ENTR1: variants seen among roughly 807,000 people sequenced by gnomAD.
ENTR1 encodes endosome-associated-trafficking regulator 1.
A neutral mutation model predicts 47.9 loss-of-function variants in ENTR1; 47 were observed. The ratio of observed to expected loss-of-function variants is 0.98; its 90% CI spans 0.78 to 1.25. ENTR1 has a LOEUF of 1.25. ENTR1 is among the 50% of genes most tolerant of loss of function. ENTR1 has a pLI of 0.00. For synonymous variants in ENTR1, 290 were observed against 245.8 expected, an observed-to-expected ratio of 1.18 and a Z score of -1.68; for missense variants, 668 against 570.5, an observed-to-expected ratio of 1.17 and a Z score of -1.74.
rs771082264 is a variant in ENTR1 at position 136,407,575 on chromosome 9, A to G, written c.403-14T>C. 1 of 1,541,816 alleles carries G rather than the reference A, an allele frequency of 6.5e-7. No homozygotes were observed. The highest frequency in any genetic ancestry group is 8.7e-7 in the Non-Finnish European group (1 of 1,147,942). ...CCTCGAGGCTTCCTAAAAAAAAAAA[A>G]AAAAAAAAAACAATGGAGGCCATGC... On this transcript the variant is annotated splice_polypyrimidine_tract_variant and intron_variant, in intron 4 of 9. Coordinates refer to ENST00000357365, the MANE Select transcript of ENTR1 (RefSeq NM_001039707.2).
Position 136,410,544 on chromosome 9 carries a change from T to C in ENTR1, c.-147A>G, listed in dbSNP as rs1297114400. The C allele has an allele frequency of 5.4e-6, 6 of 1,106,106 alleles. No individual in the cohort carries two copies. Among genetic ancestry groups the C allele is most frequent in the East Asian group, 6.7e-5 (2 of 29,642 alleles). 68.5% of individuals were successfully genotyped at this position (1,106,106 alleles called of 1,614,324 possible). A position where few individuals can be genotyped will look rare whatever the true frequency, so the allele number is the denominator to read the frequency against. On this transcript the variant is annotated 5_prime_UTR_variant, in exon 1 of 10. Coordinates refer to ENST00000357365, the MANE Select transcript of ENTR1 (RefSeq NM_001039707.2). Reference sequence around the variant, plus strand: ...TCGGCCGCCCCCGCGCCTCCGAGCCTCTCGCCGCTGCTTCCGCTCCGAGCA... The same window carrying C: ...TCGGCCGCCCCCGCGCCTCCGAGCCCCTCGCCGCTGCTTCCGCTCCGAGCA...
At chr9:136,403,761 T>C (rs80029103) in intron 9 of ENTR1, among the ~76,000 whole-genome samples, 5,930 of 152,130 alleles carry the variant, frequency 0.039, 145 homozygotes, top group East Asian at 0.12. Flanking sequence ...CTATTTCCTT[T>C]ATTCAGAGCT....
At position 136,410,408 on chromosome 9, in the gene ENTR1, C is replaced by T. The variant is rs1261772774; in HGVS notation, c.-11G>A. On this transcript the variant is annotated 5_prime_UTR_variant, in exon 1 of 10. Coordinates refer to ENST00000357365, the MANE Select transcript of ENTR1 (RefSeq NM_001039707.2). ...CTGGTAGCCCGACATCGCCGCCGGC[C>T]CGGCGGGGCACGACCTGCCTAGCCC... The T allele has an allele frequency of 8.1e-6, 11 of 1,358,910 alleles. No homozygotes were observed. In the Admixed American group the frequency reaches 4.0e-4, roughly 49 times the overall value. 84.2% of individuals were successfully genotyped at this position (1,358,910 alleles called of 1,614,324 possible). A position where few individuals can be genotyped will look rare whatever the true frequency, so the allele number is the denominator to read the frequency against.
intron 4 of ENTR1, 51 bp from the exon 5 acceptor site, chr9:136,407,612 A>AGC (rs747658824): frequency 1.3e-6 from 2 of 1,500,078 alleles, no homozygotes; most frequent in East Asian, 4.6e-5. Flanking sequence ...TCTGACTCGG[A>AGC]GCGCATCTTC....
At chr9:136,407,635 T>C (rs956183346) in intron 4 of ENTR1, 74 bp from the exon 5 acceptor site, 249 of 1,487,474 alleles carry the variant, frequency 1.7e-4, no homozygotes, top group Admixed American at 1.2e-3. Context: ...TTCTGTGTTC[T>C]GCCTCGCAAC....
rs755614825 is a variant in ENTR1 at position 136,407,502 on chromosome 9, C to T, written c.462G>A (p.Gly154=). Residue 154 remains glycine, a synonymous_variant, in exon 5 of 10, where the codon GGG becomes GGA. Coordinates refer to ENST00000357365, the MANE Select transcript of ENTR1 (RefSeq NM_001039707.2). ...ATGGCTGCTGATACTCCAGGCCATA[C>T]CCGCCGGTTTGGGAGGGTGGGGAGT... ...DHNSPPSQTG[G]YGLEYQQPFF... 1 of 1,609,994 alleles carries T rather than the reference C, an allele frequency of 6.2e-7. No homozygotes were observed. The highest frequency in any genetic ancestry group is 1.4e-5 in the African/African-American group (1 of 74,060).
chr9:136,409,999 G>A, intron 2 of ENTR1, 91 bp downstream of exon 2: 2 of 1,454,884 alleles, frequency 1.4e-6, no homozygotes, highest in Non-Finnish European at 1.9e-6. Flanking sequence ...GCACATTGAT[G>A]GGTCAATGGA....
chr9:136,405,429 T>C (rs937012369), intron 6 of ENTR1: 1 of 520,392 alleles, frequency 1.9e-6, no homozygotes, highest in African/African-American at 1.9e-5. Flanking sequence ...TTTGGTGGCT[T>C]TTTGCCTAAA....
At chr9:136,408,021 GCATGGCCA>G (rs1834866888) in intron 3 of ENTR1, 83 bp from the exon 4 acceptor site, 2 of 880,452 alleles carry the variant, frequency 2.3e-6, no homozygotes, top group African/African-American at 3.3e-5. Context: ...TCTTTCCAGA[GCATGGCCA>G]CATGTGAGAT....
chr9:136,410,225 C>G lies in ENTR1; in HGVS notation c.85G>C (p.Glu29Gln), dbSNP rs1479289284. The change falls in exon 2 of 10, where the codon GAG becomes CAG. Residue 29 changes from glutamate to glutamine, a missense_variant. Coordinates refer to ENST00000357365, the MANE Select transcript of ENTR1 (RefSeq NM_001039707.2). ...LAIPDAPAFYERRSCLPQLNC... is the reference protein window; with the variant it reads ...LAIPDAPAFYQRRSCLPQLNC... ...AGCTGGGGGAGACAAGACCGGCGCT[C>G]ATAGAACGCTGGAGCTGGAAGCAAC... is the stretch of plus-strand genomic sequence containing the variant. The G allele has an allele frequency of 6.3e-7, 1 of 1,584,096 alleles. No individual in the cohort carries two copies. Among genetic ancestry groups the G allele is most frequent in the East Asian group, 2.3e-5 (1 of 43,454 alleles).
chr9:136,402,673 A>G lies in ENTR1; in HGVS notation c.*115T>C. 1.4e-6 allele frequency: 1 copy of G among 712,064 alleles called. No homozygotes were observed. The highest frequency in any genetic ancestry group is 2.4e-6 in the Non-Finnish European group (1 of 417,438). 44.1% of individuals were successfully genotyped at this position (712,064 alleles called of 1,614,324 possible). On this transcript the variant is annotated 3_prime_UTR_variant, in exon 10 of 10. Transcript: ENST00000357365. Reference sequence around the variant, plus strand: ...GGCACGACACTGGACTCTTGCGATCAACACTTTACTCTGGGTGAAGACTGC... The same window carrying G: ...GGCACGACACTGGACTCTTGCGATCGACACTTTACTCTGGGTGAAGACTGC...
rs766235743 is a variant in ENTR1, at chr9:136,402,875, G to A, written c.1221C>T (p.Ser407=). Residue 407 remains serine, a synonymous_variant, in exon 10 of 10, where the codon TCC becomes TCT. Coordinates refer to ENST00000357365, the MANE Select transcript of ENTR1 (RefSeq NM_001039707.2). Reference sequence around the variant, plus strand: ...CAACAAGATTCAGTGTCTCAGCTCCGGAAACCAGTTGCCTGAAAACAAGCA... The same window carrying A: ...CAACAAGATTCAGTGTCTCAGCTCCAGAAACCAGTTGCCTGAAAACAAGCA... ...SAQASIKQLV[S]GAETLNLVAE... is the part of the protein sequence containing the mutation. 41 of 1,611,786 alleles carry A rather than the reference G, an allele frequency of 2.5e-5. No homozygotes were observed. Among genetic ancestry groups the A allele is most frequent in the Admixed American group, 2.2e-4 (13 of 59,818 alleles).
At chr9:136,404,958 A>G in intron 7 of ENTR1, 133 bp downstream of exon 7, 2 of 755,092 alleles carry the variant, frequency 2.6e-6, no homozygotes, top group Non-Finnish European at 4.4e-6. Flanking sequence ...GCGACGTCAA[A>G]GAACACCAGT....
At position 136,405,953 on chromosome 9, in the gene ENTR1, C is replaced by T. The variant is rs781420827; in HGVS notation, c.845G>A (p.Arg282Lys). The change falls in exon 6 of 10, where the codon AGA (arginine) becomes AAA (lysine). Residue 282 changes from arginine to lysine, a missense_variant. Physicochemically the swap from Arg to Lys is conservative, Grantham distance 26. Transcript: ENST00000357365. ...DALKDENSKL[R>K]RKLNEVQSFS... Reference sequence around the variant, plus strand: ...GCTCTGAACCTCATTCAGCTTTCTTCTCAGCTTAGAATTTTCATCTTTCAG... The same window carrying T: ...GCTCTGAACCTCATTCAGCTTTCTTTTCAGCTTAGAATTTTCATCTTTCAG... The T allele has an allele frequency of 6.2e-7, 1 of 1,609,590 alleles. No individual in the cohort carries two copies. The highest frequency in any genetic ancestry group is 1.1e-5 in the South Asian group (1 of 89,898).
In ENTR1 at chr9:136,405,984, G is replaced by A. The variant is rs759089076; in HGVS notation, c.820-6C>T. Reference sequence around the variant, plus strand: ...TTAGAATTTTCATCTTTCAGCTGTGGAGAGAGAACATCCTTATTAGAAAGT... The same window carrying A: ...TTAGAATTTTCATCTTTCAGCTGTGAAGAGAGAACATCCTTATTAGAAAGT... On this transcript the variant is annotated splice_polypyrimidine_tract_variant and splice_region_variant and intron_variant, in intron 5 of 9. Transcript: ENST00000357365. 1.2e-6 allele frequency: 2 copies of A among 1,604,096 alleles called. No homozygotes were observed. Among genetic ancestry groups the A allele is most frequent in the South Asian group, 2.2e-5 (2 of 89,244 alleles).
Position 136,407,924 on chromosome 9 carries a change from C to T in ENTR1, c.304G>A (p.Asp102Asn). ...GAGAATGGATTTGCCTCTTCCAGAT[C>T]TTCAAATCTGTCATCTGAAATAACA... ...GTHFGDDRFE[D>N]LEEANPFSFR... Residue 102 changes from aspartate to asparagine, a missense_variant, in exon 4 of 10, where the codon GAT becomes AAT. Coordinates refer to ENST00000357365, the MANE Select transcript of ENTR1 (RefSeq NM_001039707.2). 1 of 1,603,014 alleles carries T rather than the reference C, an allele frequency of 6.2e-7. No homozygotes were observed. Among genetic ancestry groups the T allele is most frequent in the Non-Finnish European group, 8.5e-7 (1 of 1,170,088 alleles).
At chr9:136,406,044 C>A in intron 5 of ENTR1, 66 bp from the exon 6 acceptor site, 3 of 1,173,128 alleles carry the variant, frequency 2.6e-6, no homozygotes, top group Non-Finnish European at 3.7e-6. Flanking sequence ...TGTGCTTCTG[C>A]GGTGTGGCTC....
In ENTR1 at chr9:136,407,489, A is replaced by G. The variant is rs1350536647; in HGVS notation, c.475T>C (p.Tyr159His). ...PSQTGGYGLE[Y>H]QQPFFEDPTG... is the part of the protein sequence containing the mutation. ...GGATCCTCGAAAAATGGCTGCTGAT[A>G]CTCCAGGCCATACCCGCCGGTTTGG... Residue 159 changes from tyrosine (Y) to histidine (H), a missense_variant, in exon 5 of 10, where the codon TAT (tyrosine) becomes CAT (histidine). Physicochemically the swap from Tyr to His is moderately conservative, Grantham distance 83 (BLOSUM62 2). Coordinates refer to ENST00000357365, the MANE Select transcript of ENTR1 (RefSeq NM_001039707.2). 2 of 1,603,722 alleles carry G rather than the reference A, an allele frequency of 1.2e-6. No individual in the cohort carries two copies. Among genetic ancestry groups the G allele is most frequent in the African/African-American group, 2.8e-5 (2 of 71,912 alleles).
intron 9 of ENTR1, among the ~76,000 whole-genome samples, chr9:136,403,381 GGA>G (rs1834596856): frequency 9.8e-6 from 1 of 101,662 alleles, no homozygotes; most frequent in African/African-American, 3.3e-5. Flanking sequence ...GGGGAGAAAG[GGA>G]CAGGGTCCCA....
Sources: gnomAD v4.1 joint callset for allele counts (sites outside exome capture counted in the v4.1 genomes callset) on GRCh38, gnomAD v4.1.1 for gene constraint, MANE v1.5 for transcripts, NCBI Gene and HGNC (gene_info 2026-07-23, HGNC 2026-07-21) for gene names.